STAM: variants seen among roughly 807,000 people sequenced by gnomAD.
The protein encoded by STAM is signal transducing adaptor molecule.
STAM carries 16 observed loss-of-function variants against 63.4 expected under a neutral mutation model. The ratio of observed to expected loss-of-function variants is 0.25; its 90% CI spans 0.17 to 0.38. The LOEUF (loss-of-function observed/expected upper bound fraction) is 0.38. STAM is among the 10% of genes least tolerant of loss of function. The probability of loss-of-function intolerance (pLI) is 1.00; values close to 1 mark genes in which losing one functional copy is unlikely to be tolerated. For missense variants in STAM, 636 were observed against 657.1 expected, an observed-to-expected ratio of 0.97 and a Z score of 0.35; for synonymous variants, 238 against 223.9, an observed-to-expected ratio of 1.06 and a Z score of -0.56.
At chr10:17,670,322 G>A (rs1477433222) in intron 2 of STAM, among the ~76,000 whole-genome samples, 5 of 152,210 alleles carry the variant, frequency 3.3e-5, no homozygotes, top group Admixed American at 3.3e-4. Flanking sequence ...TTGTTTTGCA[G>A]ATGAGAAAAC....
At chr10:17,704,570 C>G (rs373780461) in intron 10 of STAM, 52 bp downstream of exon 10, 2 of 1,420,292 alleles carry the variant, frequency 1.4e-6, no homozygotes, top group Non-Finnish European at 2.0e-6. Context: ...AGGTTAATAA[C>G]TGGTGTCCTG....
At chr10:17,671,830 G>A (rs1317409633) in intron 2 of STAM, among the ~76,000 whole-genome samples, 3 of 152,092 alleles carry the variant, frequency 2.0e-5, no homozygotes, top group Non-Finnish European at 2.9e-5. Context: ...TCCTGAGAGA[G>A]GGATAATGAA....
At chr10:17,692,509 T>G (rs967895874) in intron 5 of STAM, among the ~76,000 whole-genome samples, 1 of 152,134 alleles carries the variant, frequency 6.6e-6, no homozygotes, top group Non-Finnish European at 1.5e-5. Context: ...GCAGAATGGT[T>G]GGAAATGAGG....
At chr10:17,682,335 A>G (rs570559660) in intron 2 of STAM, among the ~76,000 whole-genome samples, 2 of 152,298 alleles carry the variant, frequency 1.3e-5, no homozygotes, top group South Asian at 2.1e-4. Flanking sequence ...GAGGTATTAC[A>G]TTGTGTTAAT....
chr10:17,692,389 G>A (rs1354769601), intron 5 of STAM, among the ~76,000 whole-genome samples: 2 of 152,218 alleles, frequency 1.3e-5, no homozygotes, highest in African/African-American at 4.8e-5. Flanking sequence ...AGTGAACGGA[G>A]CAAAGGAGCC....
chr10:17,677,083 C>A (rs1471923433), intron 2 of STAM, among the ~76,000 whole-genome samples: 1 of 152,150 alleles, frequency 6.6e-6, no homozygotes, highest in African/African-American at 2.4e-5. Context: ...ACAAGGTGTT[C>A]ATCAGCGCTT....
chr10:17,646,042 G>A (rs942587215), intron 1 of STAM, among the ~76,000 whole-genome samples: 1 of 152,138 alleles, frequency 6.6e-6, no homozygotes, highest in Non-Finnish European at 1.5e-5. Context: ...GTACCACCCA[G>A]TTCAAACACA....
chr10:17,692,579 C>T (rs1464772104), intron 5 of STAM, among the ~76,000 whole-genome samples: 1 of 152,152 alleles, frequency 6.6e-6, no homozygotes, highest in Non-Finnish European at 1.5e-5. Flanking sequence ...TGAGAGGCCA[C>T]AGAGCCCATA....
rs1349827274 is a variant in STAM at position 17,716,444 on chromosome 10, G to C, written c.*1664G>C. Among the ~76,000 whole-genome samples the C allele has an allele frequency of 2.0e-5, 3 of 151,994 alleles. No homozygotes were observed. Among genetic ancestry groups the C allele is most frequent in the Non-Finnish European group, 2.9e-5 (2 of 67,980 alleles). Reference sequence around the variant, plus strand: ...CTCAAGTGTTGTGTTCTGATTTCCTGTGTTTAAAATATGTTGCCCTGCCCT... The same window carrying C: ...CTCAAGTGTTGTGTTCTGATTTCCTCTGTTTAAAATATGTTGCCCTGCCCT... On this transcript the variant is annotated 3_prime_UTR_variant, in exon 14 of 14. Coordinates refer to ENST00000377524, the MANE Select transcript of STAM (RefSeq NM_003473.4).
intron 5 of STAM, among the ~76,000 whole-genome samples, chr10:17,689,059 G>C (rs1337339439): frequency 1.3e-5 from 2 of 152,114 alleles, no homozygotes; most frequent in African/African-American, 4.8e-5. Context: ...TGGCTAAATA[G>C]CTTAACTTTG....
chr10:17,681,382 A>G (rs1835080660), intron 2 of STAM, among the ~76,000 whole-genome samples: 1 of 151,346 alleles, frequency 6.6e-6, no homozygotes, highest in Non-Finnish European at 1.5e-5. Context: ...ATTTTCACGT[A>G]TTTTAATTTT....
intron 2 of STAM, among the ~76,000 whole-genome samples, chr10:17,671,272 A>T (rs1157905648): frequency 6.6e-6 from 1 of 152,208 alleles, no homozygotes; most frequent in Non-Finnish European, 1.5e-5. Context: ...TTAGATGAAG[A>T]TGTAATGTTT....
intron 7 of STAM, among the ~76,000 whole-genome samples, chr10:17,695,516 A>G (rs1554827372): frequency 6.6e-6 from 1 of 152,208 alleles, no homozygotes; most frequent in Non-Finnish European, 1.5e-5. Context: ...AGATGGTTAC[A>G]TTATTTAAAA....
chr10:17,648,257 AAC>A (rs1833595062), intron 1 of STAM, among the ~76,000 whole-genome samples: 1 of 152,096 alleles, frequency 6.6e-6, no homozygotes, highest in East Asian at 1.9e-4. Flanking sequence ...GCTCTGTAAA[AAC>A]GCACCAATCA....
intron 8 of STAM, among the ~76,000 whole-genome samples, chr10:17,697,287 A>C (rs868995590): frequency 5.3e-5 from 8 of 152,316 alleles, no homozygotes; most frequent in African/African-American, 1.7e-4. Flanking sequence ...CAAATTCATT[A>C]AGAAGTCTTA....
intron 13 of STAM, among the ~76,000 whole-genome samples, chr10:17,710,528 T>C (rs138108178): frequency 2.0e-5 from 3 of 152,362 alleles, no homozygotes; most frequent in Admixed American, 6.5e-5. Flanking sequence ...GCATATTCTT[T>C]AGTTGTTAGC....
At chr10:17,678,201 A>G (rs781805217) in intron 2 of STAM, among the ~76,000 whole-genome samples, 2 of 152,094 alleles carry the variant, frequency 1.3e-5, no homozygotes, top group South Asian at 2.1e-4. Context: ...TAGACATTTC[A>G]TATAAATGGA....
At position 17,716,815 on chromosome 10, in the gene STAM, T is replaced by C. The variant is rs1185703035; in HGVS notation, c.*2035T>C. Reference sequence around the variant, plus strand: ...GCCTTATAAAGGTTTAAATGATGAGTACTTTAAAACTGTTACTGTGTTAGT... The same window carrying C: ...GCCTTATAAAGGTTTAAATGATGAGCACTTTAAAACTGTTACTGTGTTAGT... On this transcript the variant is annotated 3_prime_UTR_variant, in exon 14 of 14. Coordinates refer to ENST00000377524, the MANE Select transcript of STAM (RefSeq NM_003473.4). Among the ~76,000 whole-genome samples, 1 of 152,176 alleles carries C rather than the reference T, an allele frequency of 6.6e-6. No individual in the cohort carries two copies. Among genetic ancestry groups the C allele is most frequent in the Non-Finnish European group, 1.5e-5 (1 of 68,042 alleles).
intron 5 of STAM, among the ~76,000 whole-genome samples, chr10:17,688,573 C>T (rs143551071): frequency 6.6e-6 from 1 of 152,056 alleles, no homozygotes; most frequent in Admixed American, 6.5e-5. Context: ...GGTGATTCTC[C>T]TGCCGCAGCC....
Sources: gnomAD v4.1 joint callset for allele counts (sites outside exome capture counted in the v4.1 genomes callset) on GRCh38, gnomAD v4.1.1 for gene constraint, MANE v1.5 for transcripts, NCBI Gene and HGNC (gene_info 2026-07-23, HGNC 2026-07-21) for gene names.